The following EPS15L1 variants were observed in gnomAD, a reference collection of about 807,000 sequenced individuals.
EPS15L1 encodes epidermal growth factor receptor substrate 15-like 1.
Under a neutral mutation model 117.1 loss-of-function variants are expected in EPS15L1, and 43 were observed. The ratio of observed to expected loss-of-function variants is 0.37; its 90% CI spans 0.29 to 0.47. The LOEUF is 0.47. EPS15L1 is among the 20% of genes least tolerant of loss of function. EPS15L1 has a pLI of 0.99. For synonymous variants in EPS15L1, 459 were observed against 470.5 expected (o/e 0.98, Z 0.32); for missense variants, 981 against 1,164.0 (o/e 0.84, Z 2.29).
intron 1 of EPS15L1, among the ~76,000 whole-genome samples, chr19:16,457,263 G>A (rs939533057): frequency 5.3e-5 from 8 of 152,172 alleles, no homozygotes; most frequent in African/African-American, 1.7e-4. Context: ...TGAACAACGG[G>A]ACATTCCCCA....
rs923901819 is a variant in EPS15L1, at chr19:16,381,592, C to G, written c.2247+3537G>C. Reference sequence around the variant, plus strand: ...GCACTAGATAAAGTTGGCACATGGACCACACGACAATGATCACACCAAGTA... The same window carrying G: ...GCACTAGATAAAGTTGGCACATGGAGCACACGACAATGATCACACCAAGTA... On this transcript the variant is annotated intron_variant, in intron 21 of 23. Transcript: ENST00000455140. The surrounding 1 kb of genome is among the most constrained non-coding windows in gnomAD (Gnocchi z 4.2). 1.3e-5 allele frequency among the ~76,000 whole-genome samples: 2 copies of G among 152,208 alleles called. No individual in the cohort carries two copies. Among genetic ancestry groups the G allele is most frequent in the African/African-American group, 4.8e-5 (2 of 41,448 alleles).
In EPS15L1 at chr19:16,392,299, C is replaced by T; in HGVS notation, c.2103+5G>A. On this transcript the variant is annotated splice_donor_5th_base_variant and intron_variant, in intron 19 of 23. Coordinates refer to ENST00000455140, the MANE Select transcript of EPS15L1 (RefSeq NM_001258374.3). ...CTCTCCCGGGCAACGTCCCACCCCA[C>T]TCACCTTCGAAGGTAAGGAAGGGTT... The T allele has an allele frequency of 4.3e-6, 7 of 1,613,990 alleles. No homozygotes were observed. The highest frequency in any genetic ancestry group is 5.1e-6 in the Non-Finnish European group (6 of 1,179,840).
In EPS15L1 at chr19:16,403,921, G is replaced by A. The variant is rs748097659; in HGVS notation, c.1438C>T (p.Leu480=). 5.0e-6 allele frequency: 8 copies of A among 1,613,680 alleles called. No homozygotes were observed. The African/African-American group carries it at 8.0e-5, about 16-fold the overall frequency. The change falls in exon 15 of 24, where the codon CTG becomes TTG. Residue 480 remains leucine, a synonymous_variant. Coordinates refer to ENST00000455140, the MANE Select transcript of EPS15L1 (RefSeq NM_001258374.3). ...CQDETQMISS[L]KTQIQSQESD... is the part of the protein sequence containing the mutation. ...TCCTGAGATTGGATTTGCGTTTTCA[G>A]TGATGAGATCTGAAATGAGATGTTA...
intron 13 of EPS15L1, among the ~76,000 whole-genome samples, chr19:16,407,285 C>T (rs910112313): frequency 5.3e-5 from 8 of 152,088 alleles, no homozygotes; most frequent in Non-Finnish European, 1.0e-4. Context: ...CTCTCCCTTC[C>T]CTTTCTTCTC....
chr19:16,448,130 A>G (rs2093102448), intron 1 of EPS15L1, among the ~76,000 whole-genome samples: 1 of 152,232 alleles, frequency 6.6e-6, no homozygotes. Context: ...AATGTAAAAC[A>G]TAATCCTCAG....
intron 1 of EPS15L1, among the ~76,000 whole-genome samples, chr19:16,447,585 C>T (rs1166322673): frequency 1.3e-5 from 2 of 151,960 alleles, no homozygotes; most frequent in Non-Finnish European, 2.9e-5. Context: ...CATGATGAAA[C>T]CCCATCACTA....
intron 12 of EPS15L1, 90 bp downstream of exon 12, chr19:16,417,462 C>CCAGCAAA: frequency 2.7e-6 from 3 of 1,120,728 alleles, no homozygotes; most frequent in Admixed American, 5.0e-5. Context: ...GATGAGCAAA[C>CCAGCAAA]TTCCAGGTGA....
chr19:16,448,229 A>G (rs918202728), intron 1 of EPS15L1, among the ~76,000 whole-genome samples: 20 of 152,138 alleles, frequency 1.3e-4, no homozygotes, highest in Non-Finnish European at 7.4e-5. Context: ...TTATGTTTGC[A>G]CTGTGAAAGA....
chr19:16,464,129 T>G (rs1203913470), intron 1 of EPS15L1, among the ~76,000 whole-genome samples: 1 of 152,188 alleles, frequency 6.6e-6, no homozygotes, highest in Non-Finnish European at 1.5e-5. Context: ...CTGCAGGCAG[T>G]CAGTAAACAG....
In EPS15L1 at chr19:16,401,596, G is replaced by A. The variant is rs1412507667; in HGVS notation, c.1791+725C>T. On this transcript the variant is annotated intron_variant, in intron 16 of 23. Transcript: ENST00000455140. Reference sequence around the variant, plus strand: ...TGGGAAACTACATGTCCCCAGGTTCGAGGCTGCAGGGGCAGACTCTGGTGT... The same window carrying A: ...TGGGAAACTACATGTCCCCAGGTTCAAGGCTGCAGGGGCAGACTCTGGTGT... 8 of 985,438 alleles carry A rather than the reference G, an allele frequency of 8.1e-6. No individual in the cohort carries two copies. The Admixed American group carries it at 3.1e-4, about 38-fold the overall frequency. 61.0% of individuals were successfully genotyped at this position (985,438 alleles called of 1,614,324 possible). A position where few individuals can be genotyped will look rare whatever the true frequency, so the allele number is the denominator to read the frequency against.
At chr19:16,438,131 T>C (rs181833840) in intron 4 of EPS15L1, among the ~76,000 whole-genome samples, 1 of 152,262 alleles carries the variant, frequency 6.6e-6, no homozygotes, top group Non-Finnish European at 1.5e-5. Context: ...GGCAGGTGGA[T>C]CACCTGAGGT....
chr19:16,448,401 A>G (rs549207838), intron 1 of EPS15L1, among the ~76,000 whole-genome samples: 5 of 151,896 alleles, frequency 3.3e-5, no homozygotes, highest in Non-Finnish European at 7.4e-5. Flanking sequence ...ATGGTGGCGC[A>G]TGCCTGTAAT....
At chr19:16,368,410 GACACTCAC>G (rs1195743796) in intron 22 of EPS15L1, among the ~76,000 whole-genome samples, 1 of 151,968 alleles carries the variant, frequency 6.6e-6, no homozygotes, top group African/African-American at 2.4e-5. Context: ...GCACAATATG[GACACTCAC>G]ACAACTCCCA....
Position 16,471,891 on chromosome 19 carries a change from C to A in EPS15L1, c.33+22G>T. On this transcript the variant is annotated intron_variant, in intron 1 of 23. Transcript: ENST00000455140. The surrounding 1 kb of genome is among the most constrained non-coding windows in gnomAD (Gnocchi z 4.8). ...TCGCGCCCCGCACCCCGGCGCCGCC[C>A]CCAGGCCCGCCCGGCCCGTACCTGC... 7.7e-7 allele frequency: 1 copy of A among 1,298,360 alleles called. No individual in the cohort carries two copies. Among genetic ancestry groups the A allele is most frequent in the Non-Finnish European group, 9.8e-7 (1 of 1,020,598 alleles). 80.4% of individuals were successfully genotyped at this position (1,298,360 alleles called of 1,614,324 possible). A position where few individuals can be genotyped will look rare whatever the true frequency, so the allele number is the denominator to read the frequency against.
intron 15 of EPS15L1, among the ~76,000 whole-genome samples, chr19:16,403,231 C>G (rs992421451): frequency 6.8e-6 from 1 of 147,900 alleles, no homozygotes; most frequent in Admixed American, 6.7e-5. Context: ...GAAGCCAGCG[C>G]CCCCCCCTGG....
chr19:16,428,835 C>G, intron 7 of EPS15L1, 74 bp from the exon 8 acceptor site: 1 of 1,206,682 alleles, frequency 8.3e-7, no homozygotes, highest in Non-Finnish European at 1.2e-6. Flanking sequence ...TGCCGGAACT[C>G]AGACTCTCAG....
chr19:16,471,938 G>A lies in EPS15L1; in HGVS notation c.8C>T (p.Ala3Val), dbSNP rs1437691578. ...CTGCTGGGAGAGGGGGATGAGCGGC[G>A]CCGCCATCTTCCCGCGGACTCGGGC... MA[A>V]PLIPLSQQIP... Residue 3 changes from alanine to valine, a missense_variant, in exon 1 of 24, where the codon GCG (alanine) becomes GTG (valine). By Grantham distance (64) the Ala-to-Val change is moderately conservative (BLOSUM62 0). Around this residue, in one of 5 missense-constraint regions of EPS15L1, gnomAD observed 37 missense variants for 21.2 expected, o/e 1.75. Coordinates refer to ENST00000455140, the MANE Select transcript of EPS15L1 (RefSeq NM_001258374.3). The surrounding 1 kb of genome is among the most constrained non-coding windows in gnomAD (Gnocchi z 4.8). 15 of 1,289,830 alleles carry A rather than the reference G, an allele frequency of 1.2e-5. No individual in the cohort carries two copies. In the South Asian group the frequency reaches 1.4e-4, roughly 12 times the overall value. 79.9% of individuals were successfully genotyped at this position (1,289,830 alleles called of 1,614,324 possible).
chr19:16,440,996 C>T (rs2093026361), intron 3 of EPS15L1, 87 bp from the exon 4 acceptor site: 2 of 1,317,498 alleles, frequency 1.5e-6, no homozygotes, highest in Non-Finnish European at 2.2e-6. Context: ...CACCCCATCA[C>T]TGGCCTTGCG....
At chr19:16,464,886 C>T (rs905097428) in intron 1 of EPS15L1, among the ~76,000 whole-genome samples, 5 of 151,294 alleles carry the variant, frequency 3.3e-5, no homozygotes, top group African/African-American at 1.2e-4. Flanking sequence ...CGAGACCATC[C>T]TGCCTAACCA....
Sources: gnomAD v4.1 joint callset for allele counts (sites outside exome capture counted in the v4.1 genomes callset) on GRCh38, gnomAD v4.1.1 for gene constraint, gnomAD v4.1.1 regional missense constraint, Gnocchi (gnomAD v3.1) non-coding constraint, MANE v1.5 for transcripts, NCBI Gene and HGNC (gene_info 2026-07-23, HGNC 2026-07-21) for gene names.